The following PRELID2 variants were observed in gnomAD, a reference collection of about 807,000 sequenced individuals.
The protein encoded by PRELID2 is PRELI domain-containing protein 2.
Under a neutral mutation model 28.4 loss-of-function variants are expected in PRELID2, and 25 were observed. The observed-to-expected ratio is 0.88, with a 90% confidence interval of 0.64 to 1.23. PRELID2 has a LOEUF of 1.23. PRELID2 is among the 50% of genes most tolerant of loss of function. The probability of loss-of-function intolerance (pLI) is 0.00; values close to 1 mark genes in which losing one functional copy is unlikely to be tolerated. For missense variants in PRELID2, 201 were observed against 214.4 expected (o/e 0.94, Z 0.39); for synonymous variants, 76 against 71.6 (o/e 1.06, Z -0.31).
intron 1 of PRELID2, among the ~76,000 whole-genome samples, chr5:145,604,251 C>G (rs187707095): frequency 1.3e-5 from 2 of 152,174 alleles, no homozygotes; most frequent in African/African-American, 4.8e-5. Flanking sequence ...CTTCCACCCT[C>G]CACCCTCAAG....
chr5:145,725,044 A>G (rs1020211268), intron 1 of PRELID2, among the ~76,000 whole-genome samples: 7 of 152,034 alleles, frequency 4.6e-5, no homozygotes, highest in Non-Finnish European at 7.4e-5. Flanking sequence ...CTCCCAGCCA[A>G]CAAATACTTT....
At chr5:145,307,242 G>A in the PRELID2 span, among the ~76,000 whole-genome samples, 3 of 152,246 alleles carry the variant, frequency 2.0e-5, no homozygotes, top group South Asian at 4.1e-4. Context: ...ATGGATACTG[G>A]AGCCTCCAGA....
the PRELID2 span, chr5:145,229,726 G>A: frequency 2.6e-3 from 1,951 of 754,724 alleles, 19 homozygotes; most frequent in East Asian, 0.027. Flanking sequence ...ACCACAGACC[G>A]GGAAGTGCAC....
chr5:145,567,351 G>T lies in PRELID2; in HGVS notation n.71-94036C>A, dbSNP rs11957251. Among the ~76,000 whole-genome samples the T allele has an allele frequency of 6.4e-3, 729 of 114,268 alleles. 11 individuals carry two copies. Among genetic ancestry groups the T allele is most frequent in the African/African-American group, 0.028 (631 of 22,924 alleles). 75.0% of individuals were successfully genotyped at this position (114,268 alleles called of 152,430 possible). A position where few individuals can be genotyped will look rare whatever the true frequency, so the allele number is the denominator to read the frequency against. ...AGTTATCATGAGATCTGATGGTTTG[G>T]TTTGGTTTGGTTTGGTTTGGTTTGG... On this transcript the variant is annotated intron_variant and non_coding_transcript_variant, in intron 1 of 2. Coordinates refer to the PRELID2 transcript ENST00000510259.
At chr5:145,601,669 T>C (rs1753399036) in intron 1 of PRELID2, among the ~76,000 whole-genome samples, 1 of 152,176 alleles carries the variant, frequency 6.6e-6, no homozygotes, top group Admixed American at 6.5e-5. Flanking sequence ...GTGGGTCTAA[T>C]AAGCAGGTCC....
At chr5:145,685,354 G>A (rs1393309302) in intron 1 of PRELID2, among the ~76,000 whole-genome samples, 5 of 152,092 alleles carry the variant, frequency 3.3e-5, no homozygotes, top group South Asian at 2.1e-4. Flanking sequence ...GATGTAATAC[G>A]CCATGTTCTC....
At chr5:145,454,879 G>C in the PRELID2 span, among the ~76,000 whole-genome samples, 1 of 152,108 alleles carries the variant, frequency 6.6e-6, no homozygotes, top group Non-Finnish European at 1.5e-5. Context: ...CTGGATATTA[G>C]CCCTTTGTCA....
At chr5:145,704,048 AG>A (rs1366375806) in intron 1 of PRELID2, 1 of 152,178 alleles carries the variant, frequency 6.6e-6, no homozygotes, top group East Asian at 1.9e-4. Flanking sequence ...CATCATTTCA[AG>A]GGGGTTTCTG....
chr5:145,623,653 G>GTAGGTAGGTAGA (rs375411566), intron 1 of PRELID2, among the ~76,000 whole-genome samples: 1 of 142,978 alleles, frequency 7.0e-6, no homozygotes, highest in African/African-American at 3.0e-5. Flanking sequence ...AGGTAGATAG[G>GTAGGTAGGTAGA]TAGGTAGGTA....
chr5:145,310,755 C>T, the PRELID2 span, among the ~76,000 whole-genome samples: 94 of 152,170 alleles, frequency 6.2e-4, 1 homozygote, highest in African/African-American at 1.8e-3. Flanking sequence ...AATGCATCTT[C>T]GTAAACTCTT....
intron 1 of PRELID2, among the ~76,000 whole-genome samples, chr5:145,706,663 T>C (rs1326914627): frequency 6.6e-6 from 1 of 152,226 alleles, no homozygotes; most frequent in Non-Finnish European, 1.5e-5. Context: ...TGCAGTTCAC[T>C]ATCTCAGTGT....
chr5:145,473,503 T>G (rs191058847), intron 1 of PRELID2, among the ~76,000 whole-genome samples: 1 of 152,168 alleles, frequency 6.6e-6, no homozygotes, highest in Admixed American at 6.6e-5. Context: ...TTCACAGATG[T>G]GTAGAGTGAA....
the PRELID2 span, among the ~76,000 whole-genome samples, chr5:145,364,867 C>A: frequency 6.6e-6 from 1 of 151,876 alleles, no homozygotes; most frequent in Admixed American, 6.6e-5. Flanking sequence ...AAAGTCCTAT[C>A]GAAAAGGATT....
the PRELID2 span, among the ~76,000 whole-genome samples, chr5:145,396,373 G>C: frequency 6.6e-6 from 1 of 151,758 alleles, no homozygotes; most frequent in Non-Finnish European, 1.5e-5. Flanking sequence ...CTAGTAACTA[G>C]AGTCCTAACA....
At chr5:145,261,268 T>C in the PRELID2 span, among the ~76,000 whole-genome samples, 3 of 152,206 alleles carry the variant, frequency 2.0e-5, no homozygotes, top group Non-Finnish European at 4.4e-5. Context: ...TTGGGAGCTC[T>C]GTGGCCCTGA....
the PRELID2 span, among the ~76,000 whole-genome samples, chr5:145,261,593 C>T: frequency 2.6e-5 from 4 of 152,160 alleles, no homozygotes; most frequent in South Asian, 8.3e-4. Context: ...GGAAAAATAA[C>T]AATCACTGCA....
At chr5:145,480,615 A>C (rs114332291) in intron 1 of PRELID2, among the ~76,000 whole-genome samples, 1 of 152,148 alleles carries the variant, frequency 6.6e-6, no homozygotes, top group Non-Finnish European at 1.5e-5. Flanking sequence ...TCTTCAATGG[A>C]GGATATCATT....
intron 1 of PRELID2, among the ~76,000 whole-genome samples, chr5:145,695,001 T>A (rs1165470535): frequency 6.6e-6 from 1 of 152,192 alleles, no homozygotes; most frequent in African/African-American, 2.4e-5. Context: ...ACTTAGAACA[T>A]GTCAGGTCCT....
chr5:145,469,049 T>C (rs543267559), downstream of PRELID2, among the ~76,000 whole-genome samples: 1 of 152,232 alleles, frequency 6.6e-6, no homozygotes, highest in Admixed American at 6.5e-5. Flanking sequence ...CAGTTTTACC[T>C]ACAGAAGTGT....
Sources: allele counts gnomAD v4.1 joint callset (sites outside exome capture counted in the v4.1 genomes callset), GRCh38; gene constraint gnomAD v4.1.1; transcripts MANE v1.5; gene names NCBI Gene and HGNC (gene_info 2026-07-23, HGNC 2026-07-21).